MCPH1: variants seen among roughly 807,000 people sequenced by gnomAD.
MCPH1 encodes microcephalin 1.
In MCPH1, 104 loss-of-function variants were observed where a neutral mutation model predicts 84.5. The observed-to-expected ratio is 1.23, with a 90% CI of 1.05 to 1.45. The LOEUF is 1.45. Ranked by LOEUF, MCPH1 falls within the 40% of genes most tolerant of loss-of-function variation. The pLI, the probability that MCPH1 is intolerant of heterozygous loss-of-function variation, is 0.00. For synonymous variants in MCPH1, 514 were observed against 366.8 expected, an observed-to-expected ratio of 1.40 and a Z score of -4.58; for missense variants, 1,498 against 1,005.7, an observed-to-expected ratio of 1.49 and a Z score of -6.62.
In MCPH1 at chr8:6,577,176, G is replaced by A. The variant is rs192132438; in HGVS notation, c.2215-44278G>A. On this transcript the variant is annotated intron_variant, in intron 12 of 13. Coordinates refer to ENST00000344683, the MANE Select transcript of MCPH1 (RefSeq NM_024596.5). The stretch of plus-strand genomic sequence containing the variant: ...GGCAAAGGGAATCTCGTTAATCCAG[G>A]TGGCCAGCGCCTCTTCCTCAGAGCA... Among the ~76,000 whole-genome samples, 377 of 152,296 alleles carry A rather than the reference G, an allele frequency of 2.5e-3. 2 individuals carry two copies. Among genetic ancestry groups the A allele is most frequent in the Non-Finnish European group, 3.9e-3 (262 of 68,024 alleles).
In MCPH1 at chr8:6,444,647, A is replaced by G. The variant is rs1803999191; in HGVS notation, c.925A>G (p.Lys309Glu). The stretch of plus-strand genomic sequence containing the variant: ...AAACTTGCAAAGAAATATTGCAGGT[A>G]AAGTAGTCACCCCTGACCAAAAGCA... ...EINLQRNIAG[K>E]VVTPDQKQAA... Residue 309 changes from lysine (K) to glutamate (E), a missense_variant, in exon 8 of 14, where the codon AAA (lysine) becomes GAA (glutamate). Lys to Glu is a moderately conservative substitution (Grantham distance 56). Coordinates refer to ENST00000344683, the MANE Select transcript of MCPH1 (RefSeq NM_024596.5). 1.2e-6 allele frequency: 2 copies of G among 1,614,040 alleles called. No individual in the cohort carries two copies. Among genetic ancestry groups the G allele is most frequent in the African/African-American group, 1.3e-5 (1 of 74,938 alleles).
intron 12 of MCPH1, among the ~76,000 whole-genome samples, chr8:6,550,764 C>G (rs750695587): frequency 6.6e-6 from 1 of 152,190 alleles, no homozygotes; most frequent in African/African-American, 2.4e-5. Context: ...TGATACCTCT[C>G]AGAGCTGGAG....
chr8:6,549,338 G>T (rs529497706), intron 12 of MCPH1, among the ~76,000 whole-genome samples: 1 of 152,158 alleles, frequency 6.6e-6, no homozygotes, highest in Non-Finnish European at 1.5e-5. Context: ...TAATAAAAGA[G>T]ACCAAAAAGG....
intron 9 of MCPH1, among the ~76,000 whole-genome samples, chr8:6,467,176 A>G (rs1481749457): frequency 6.6e-6 from 1 of 152,180 alleles, no homozygotes; most frequent in Non-Finnish European, 1.5e-5. Flanking sequence ...TAGACTTAAG[A>G]CTTAGTTTAT....
At chr8:6,516,766 A>G (rs1208097990) in intron 12 of MCPH1, among the ~76,000 whole-genome samples, 1 of 152,210 alleles carries the variant, frequency 6.6e-6, no homozygotes, top group Non-Finnish European at 1.5e-5. Flanking sequence ...CCTTGTTCCA[A>G]GAATGTTTGA....
intron 12 of MCPH1, among the ~76,000 whole-genome samples, chr8:6,589,586 A>G (rs1224838015): frequency 6.6e-6 from 1 of 152,210 alleles, no homozygotes; most frequent in Non-Finnish European, 1.5e-5. Flanking sequence ...AAGGGTGCTA[A>G]GCTTCAGTGA....
At chr8:6,573,862 A>G (rs968842148) in intron 12 of MCPH1, among the ~76,000 whole-genome samples, 3 of 152,228 alleles carry the variant, frequency 2.0e-5, no homozygotes, top group Non-Finnish European at 4.4e-5. Flanking sequence ...TGGGTTTTAC[A>G]GTACACATAA....
At chr8:6,538,149 C>T (rs549156214) in intron 12 of MCPH1, among the ~76,000 whole-genome samples, 4 of 151,856 alleles carry the variant, frequency 2.6e-5, no homozygotes, top group African/African-American at 9.7e-5. Context: ...CCACCCAGCC[C>T]TTCCATTTTT....
At chr8:6,409,182 G>T (rs974605250) in intron 1 of MCPH1, 97 bp from the exon 2 acceptor site, 10 of 1,030,318 alleles carry the variant, frequency 9.7e-6, no homozygotes, top group South Asian at 4.0e-5. Flanking sequence ...CACTGTGCCG[G>T]CCTCGGTTTA....
chr8:6,570,403 A>G (rs549714380), intron 12 of MCPH1, among the ~76,000 whole-genome samples: 1 of 152,370 alleles, frequency 6.6e-6, no homozygotes, highest in Non-Finnish European at 1.5e-5. Flanking sequence ...TCTGACTGCC[A>G]AAACGGACAG....
intron 3 of MCPH1, among the ~76,000 whole-genome samples, chr8:6,417,392 G>C (rs1799468208): frequency 1.2e-5 from 1 of 80,030 alleles, no homozygotes; most frequent in East Asian, 4.2e-4. Flanking sequence ...TTGTGTCTGT[G>C]TGGCAGCAAA....
At position 6,423,388 on chromosome 8, in the gene MCPH1, A is replaced by G. The variant is rs184962563; in HGVS notation, c.234-8111A>G. 4.6e-3 allele frequency among the ~76,000 whole-genome samples: 679 copies of G among 146,316 alleles called. 26 individuals are homozygous for G. Among genetic ancestry groups the G allele is most frequent in the African/African-American group, 0.017 (653 of 39,494 alleles). ...CACCGTGTTAGCCAGGATGGTCTCC[A>G]TCTCCTGATCTTGTGATCCGCCCGC... On this transcript the variant is annotated intron_variant, in intron 3 of 13. Transcript: ENST00000344683.
intron 12 of MCPH1, chr8:6,563,080 C>T (rs913020708): frequency 3.5e-6 from 3 of 852,400 alleles, no homozygotes; most frequent in Non-Finnish European, 5.2e-6. Flanking sequence ...CCTCTTTTTC[C>T]AGTAGCAAAC....
chr8:6,601,695 CCACACACAA>C (rs1829378998), intron 12 of MCPH1, among the ~76,000 whole-genome samples: 1 of 140,810 alleles, frequency 7.1e-6, no homozygotes, highest in South Asian at 2.1e-4. Flanking sequence ...ACAGTGCATA[CCACACACAA>C]CACACACCAC....
chr8:6,580,522 G>T (rs1157082324), intron 12 of MCPH1, among the ~76,000 whole-genome samples: 1 of 152,166 alleles, frequency 6.6e-6, no homozygotes, highest in Non-Finnish European at 1.5e-5. Context: ...GGGCATGGTG[G>T]CGTGTTCCTG....
intron 12 of MCPH1, chr8:6,501,048 G>C (rs1812077435): frequency 1.3e-5 from 2 of 152,174 alleles, no homozygotes; most frequent in South Asian, 4.1e-4. Context: ...TTGATACAAG[G>C]CCATGATACC....
In MCPH1 at chr8:6,611,130, T is replaced by A. The variant is rs201615483; in HGVS notation, c.2215-10324T>A. On this transcript the variant is annotated intron_variant, in intron 12 of 13. Transcript: ENST00000344683. Reference sequence around the variant, plus strand: ...CACACACACTCTCTCACACACACACTCACACACACACACACACACTCAGAA... The same window carrying A: ...CACACACACTCTCTCACACACACACACACACACACACACACACACTCAGAA... Among the ~76,000 whole-genome samples, 952 of 149,842 alleles carry A rather than the reference T, an allele frequency of 6.4e-3. 10 individuals carry two copies. The highest frequency in any genetic ancestry group is 0.021 in the African/African-American group (869 of 41,100).
chr8:6,459,845 G>C (rs569328634), intron 9 of MCPH1, among the ~76,000 whole-genome samples: 1 of 152,334 alleles, frequency 6.6e-6, no homozygotes, highest in East Asian at 1.9e-4. Context: ...GTAATGTGAA[G>C]GTGCCAGGTA....
intron 12 of MCPH1, among the ~76,000 whole-genome samples, chr8:6,535,949 G>C (rs981963296): frequency 2.0e-5 from 3 of 152,008 alleles, no homozygotes; most frequent in African/African-American, 7.2e-5. Context: ...CTCAGGTACT[G>C]GGGAGGCTGA....
Sources: allele counts gnomAD v4.1 joint callset (sites outside exome capture counted in the v4.1 genomes callset), GRCh38; gene constraint gnomAD v4.1.1; transcripts MANE v1.5; gene names NCBI Gene and HGNC (gene_info 2026-07-23, HGNC 2026-07-21).